Variants in C19orf18 observed in about 807,000 individuals in gnomAD.
C19orf18 encodes the protein chromosome 19 open reading frame 18.
Under a neutral mutation model 23.3 loss-of-function variants are expected in C19orf18, and 21 were observed. The observed-to-expected ratio is 0.90, with a 90% CI of 0.64 to 1.30. The LOEUF (loss-of-function observed/expected upper bound fraction) is 1.30. Among genes scored for constraint, C19orf18 ranks in the 50% most tolerant of loss-of-function variants. The pLI is 0.00. For missense variants in C19orf18, 249 were observed against 259.6 expected (o/e 0.96, Z 0.28); for synonymous variants, 96 against 95.2 (o/e 1.01, Z -0.05).
chr19:57,973,671 G>C (rs1304091899), intron 2 of C19orf18, among the ~76,000 whole-genome samples: 1 of 150,772 alleles, frequency 6.6e-6, no homozygotes, highest in Admixed American at 6.6e-5. Context: ...CTTGCAGTGA[G>C]CCGAGATCGC....
chr19:57,962,993 C>G (rs932079331), intron 4 of C19orf18, among the ~76,000 whole-genome samples: 9 of 151,258 alleles, frequency 6.0e-5, no homozygotes, highest in African/African-American at 2.2e-4. Flanking sequence ...GTACCCCAAA[C>G]AGTGAAAAAT....
chr19:57,961,638 G>C (rs2072872840), intron 4 of C19orf18, 87 bp from the exon 5 acceptor site: 1 of 1,482,500 alleles, frequency 6.7e-7, no homozygotes, highest in Non-Finnish European at 9.2e-7. Flanking sequence ...GACAGGAAAG[G>C]AGTCGCTTGT....
At chr19:57,964,978 T>G (rs1367959392) in intron 4 of C19orf18, among the ~76,000 whole-genome samples, 12 of 152,128 alleles carry the variant, frequency 7.9e-5, no homozygotes, top group Admixed American at 7.9e-4. Context: ...AAGCTTTATT[T>G]GCGAAGACGG....
intron 5 of C19orf18, among the ~76,000 whole-genome samples, chr19:57,960,510 T>C (rs1367366144): frequency 2.6e-5 from 4 of 151,484 alleles, no homozygotes; most frequent in Non-Finnish European, 5.9e-5. Context: ...CAGCAGAACA[T>C]GTCTGTGGTG....
At chr19:57,962,572 G>A (rs1019228322) in intron 4 of C19orf18, among the ~76,000 whole-genome samples, 4 of 152,090 alleles carry the variant, frequency 2.6e-5, no homozygotes, top group African/African-American at 9.7e-5. Flanking sequence ...AATACTTTTA[G>A]GGGCCAGGCG....
Position 57,961,455 on chromosome 19 carries a change from G to A in C19orf18, c.468C>T (p.Asp156=). 6.2e-7 allele frequency: 1 copy of A among 1,614,072 alleles called. No individual in the cohort carries two copies. Among genetic ancestry groups the A allele is most frequent in the South Asian group, 1.1e-5 (1 of 91,078 alleles). The change falls in exon 5 of 6, where the codon GAC becomes GAT. Residue 156 remains aspartate, a synonymous_variant. Transcript: ENST00000314391. The stretch of plus-strand genomic sequence containing the variant: ...GAAGTAGGTGCGTGGACTCACCCTC[G>A]TCCTCTGAGCCCTCTTCTTCATCTC... ...LLGDEEEGSE[D]EGESTHLLPE...
At chr19:57,959,421 G>A (rs975089527) in intron 5 of C19orf18, among the ~76,000 whole-genome samples, 4 of 151,218 alleles carry the variant, frequency 2.6e-5, no homozygotes, top group Middle Eastern at 6.8e-3. Flanking sequence ...TCAAGAGTTC[G>A]AGACCAGCCT....
At position 57,963,404 on chromosome 19, in the gene C19orf18, A is replaced by C. The variant is rs986643405; in HGVS notation, c.372-1853T>G. On this transcript the variant is annotated intron_variant, in intron 4 of 5. Coordinates refer to ENST00000314391, the MANE Select transcript of C19orf18 (RefSeq NM_152474.5). ...AGGATATACCAAATATCAAGATTGT[A>C]AACAGAGATAGGATCCAAACAGTGC... 2.0e-5 allele frequency among the ~76,000 whole-genome samples: 3 copies of C among 152,154 alleles called. No homozygotes were observed. In the East Asian group the frequency reaches 5.8e-4, roughly 29 times the overall value.
At chr19:57,968,651 A>T (rs967905670) in intron 3 of C19orf18, among the ~76,000 whole-genome samples, 1 of 152,112 alleles carries the variant, frequency 6.6e-6, no homozygotes, top group African/African-American at 2.4e-5. Context: ...AGGATGGGAG[A>T]AATAGACTAG....
chr19:57,974,533 C>T lies in C19orf18; in HGVS notation c.-101G>A, dbSNP rs1205176004. ...TTATCTGAGGAATCAAGAAGTTCTA[C>T]TCCCTTCAGAATGTTTGGGCAGTGA... is the stretch of plus-strand genomic sequence containing the variant. On this transcript the variant is annotated 5_prime_UTR_variant, in exon 1 of 6. Transcript: ENST00000314391. 1 of 1,474,052 alleles carries T rather than the reference C, an allele frequency of 6.8e-7. No individual in the cohort carries two copies. The highest frequency in any genetic ancestry group is 1.4e-5 in the African/African-American group (1 of 71,502). The allele number at this position is 1,474,052 out of a possible 1,614,324, so 91.3% of individuals were successfully genotyped here.
chr19:57,962,095 ATCATGGT>A (rs1188644621), intron 4 of C19orf18, among the ~76,000 whole-genome samples: 2 of 150,680 alleles, frequency 1.3e-5, no homozygotes, highest in African/African-American at 4.9e-5. Context: ...AACTGATACA[ATCATGGT>A]TCACTGCAGC....
Position 57,959,391 on chromosome 19 carries a change from A to G in C19orf18, c.533-674T>C, listed in dbSNP as rs557123365. Among the ~76,000 whole-genome samples, 386 of 152,130 alleles carry G rather than the reference A, an allele frequency of 2.5e-3. 1 individual carries two copies. The highest frequency in any genetic ancestry group is 0.01 in the Middle Eastern group (3 of 294). On this transcript the variant is annotated intron_variant, in intron 5 of 5. Coordinates refer to ENST00000314391, the MANE Select transcript of C19orf18 (RefSeq NM_152474.5). ...TAATCCCAGGACTTTGGGAGGCTGA[A>G]CAGGGCGGATCACTTGAAGTCAAGA...
At chr19:57,974,070 T>C in intron 2 of C19orf18, 29 bp downstream of exon 2, 1 of 1,598,278 alleles carries the variant, frequency 6.3e-7, no homozygotes. Context: ...CGATTCTCAC[T>C]CCACTGAATG....
intron 2 of C19orf18, 150 bp from the exon 3 acceptor site, chr19:57,972,654 C>T: frequency 1.2e-6 from 1 of 839,708 alleles, no homozygotes. Flanking sequence ...ATACATTCCT[C>T]CCAATGCCTG....
chr19:57,974,324 TTA>T lies in C19orf18; in HGVS notation c.107_108del (p.Ile36AsnfsTer7). 1 of 1,614,218 alleles carries T rather than the reference TTA, an allele frequency of 6.2e-7. No individual in the cohort carries two copies. Among genetic ancestry groups the T allele is most frequent in the East Asian group, 2.2e-5 (1 of 44,892 alleles). ...YADGLHPTGN[I>X]TGLPGSKRSQ... ...TGGTTGAAGCTACCTGGTAAGCCTG[TTA>T]TGTTTCCAGTGGGATGGAGTCCATC... On this transcript the variant is annotated frameshift_variant, in exon 1 of 6. Coordinates refer to ENST00000314391, the MANE Select transcript of C19orf18 (RefSeq NM_152474.5). LOFTEE classifies it high-confidence loss of function.
intron 4 of C19orf18, among the ~76,000 whole-genome samples, chr19:57,966,127 G>A (rs1311674441): frequency 2.0e-5 from 3 of 151,770 alleles, no homozygotes; most frequent in South Asian, 2.1e-4. Flanking sequence ...ACAGGCACCC[G>A]CCACCACGCC....
chr19:57,972,262 C>A (rs1180379895), intron 3 of C19orf18, among the ~76,000 whole-genome samples: 1 of 152,224 alleles, frequency 6.6e-6, no homozygotes, highest in East Asian at 1.9e-4. Flanking sequence ...AACATCAGCC[C>A]GTGGAGTTGA....
At chr19:57,960,680 G>C (rs983031023) in intron 5 of C19orf18, among the ~76,000 whole-genome samples, 6 of 152,068 alleles carry the variant, frequency 3.9e-5, no homozygotes, top group Non-Finnish European at 8.8e-5. Context: ...TATGTTTAAC[G>C]GAAACATGTT....
chr19:57,961,079 C>CA (rs2072867601), intron 5 of C19orf18, among the ~76,000 whole-genome samples: 1 of 151,842 alleles, frequency 6.6e-6, no homozygotes, highest in African/African-American at 2.4e-5. Flanking sequence ...ACTAAAAATA[C>CA]AAAAAATTAG....
Sources: allele counts gnomAD v4.1 joint callset (sites outside exome capture counted in the v4.1 genomes callset), GRCh38; gene constraint gnomAD v4.1.1; transcripts MANE v1.5; gene names NCBI Gene and HGNC (gene_info 2026-07-23, HGNC 2026-07-21).